Variants in ELP2 observed in about 807,000 individuals in gnomAD.
ELP2 encodes the protein elongator complex protein 2.
Under a neutral mutation model 119.2 loss-of-function variants are expected in ELP2, and 90 were observed. The ratio of observed to expected loss-of-function variants is 0.75; its 90% CI spans 0.64 to 0.90. The LOEUF is 0.90. ELP2 is among the 40% of genes least tolerant of loss of function. ELP2 has a pLI of 0.00. For synonymous variants in ELP2, 339 were observed against 331.0 expected, an observed-to-expected ratio of 1.02 and a Z score of -0.26; for missense variants, 921 against 967.8, an observed-to-expected ratio of 0.95 and a Z score of 0.64.
At chr18:36,160,209 TATG>T (rs1279505040) in intron 16 of ELP2, among the ~76,000 whole-genome samples, 194 bp downstream of exon 16, 1 of 152,208 alleles carries the variant, frequency 6.6e-6, no homozygotes, top group African/African-American at 2.4e-5. Flanking sequence ...TACTGTTTAT[TATG>T]TTCATTAGTT....
intron 20 of ELP2, among the ~76,000 whole-genome samples, chr18:36,170,612 C>T (rs2091051215): frequency 6.6e-6 from 1 of 152,048 alleles, no homozygotes; most frequent in Non-Finnish European, 1.5e-5. Flanking sequence ...CCGTGCCTGG[C>T]CTGAGTTACT....
intron 2 of ELP2, among the ~76,000 whole-genome samples, chr18:36,134,610 G>A (rs1046564849): frequency 7.9e-5 from 12 of 152,100 alleles, no homozygotes; most frequent in Non-Finnish European, 1.5e-4. Flanking sequence ...GTTAATATTG[G>A]TACATATGGT....
chr18:36,160,662 T>G (rs2090709648), intron 16 of ELP2, among the ~76,000 whole-genome samples: 1 of 152,178 alleles, frequency 6.6e-6, no homozygotes, highest in African/African-American at 2.4e-5. Flanking sequence ...TTTCCATGTT[T>G]TATTGTTTAG....
In ELP2 at chr18:36,139,780, A is replaced by AT. The variant is rs530042760; in HGVS notation, c.523+914dup. 215 of 424,658 alleles carry AT rather than the reference A, an allele frequency of 5.1e-4. 1 individual carries two copies. In the Middle Eastern group the frequency reaches 0.014, roughly 27 times the overall value. The allele number at this position is 424,658 out of a possible 1,614,324, so 26.3% of individuals were successfully genotyped here. A position where few individuals can be genotyped will look rare whatever the true frequency, so the allele number is the denominator to read the frequency against. ...CCTTTGGTAATGCAAATTATTAATG[A>AT]TTTTTTATCTTATTAAAATAATTTT... On this transcript the variant is annotated intron_variant, in intron 5 of 21. Transcript: ENST00000358232.
intron 19 of ELP2, chr18:36,169,857 C>G: frequency 3.2e-6 from 2 of 633,506 alleles, no homozygotes; most frequent in Non-Finnish European, 5.6e-6. Context: ...AAGGTGAGCT[C>G]TCGGAGACGC....
intron 11 of ELP2, among the ~76,000 whole-genome samples, chr18:36,147,092 T>G (rs1230524724): frequency 2.0e-5 from 3 of 151,054 alleles, no homozygotes; most frequent in Non-Finnish European, 4.4e-5. Flanking sequence ...TTTTTTTTTT[T>G]TTTTTTTTTT....
chr18:36,177,134 G>T lies in ELP2; in HGVS notation c.*2493G>T, dbSNP rs1001098663. 1 of 151,922 alleles carries T rather than the reference G, an allele frequency of 6.6e-6. No homozygotes were observed. Among genetic ancestry groups the T allele is most frequent in the Non-Finnish European group, 1.5e-5 (1 of 68,040 alleles). The allele number at this position is 151,922 out of a possible 1,614,324, so 9.4% of individuals were successfully genotyped here. A position where few individuals can be genotyped will look rare whatever the true frequency, so the allele number is the denominator to read the frequency against. ...AACTTATGAAATACATAAAAAATAT[G>T]ATGGGTGGAGTGACGGACACATGGA... On this transcript the variant is annotated 3_prime_UTR_variant, in exon 22 of 22. Coordinates refer to ENST00000358232, the MANE Select transcript of ELP2 (RefSeq NM_018255.4).
At chr18:36,131,713 A>G (rs1377246514) in intron 1 of ELP2, among the ~76,000 whole-genome samples, 1 of 152,298 alleles carries the variant, frequency 6.6e-6, no homozygotes, top group East Asian at 1.9e-4. Flanking sequence ...TTTTAAGATG[A>G]TTATACTCAT....
chr18:36,166,989 T>A, intron 18 of ELP2, 112 bp from the exon 19 acceptor site: 1 of 1,156,418 alleles, frequency 8.6e-7, no homozygotes, highest in South Asian at 2.1e-5. Context: ...AGTCAGTGCA[T>A]ATAAATTGAA....
intron 16 of ELP2, among the ~76,000 whole-genome samples, chr18:36,160,478 T>C (rs2090702341): frequency 6.6e-6 from 1 of 151,580 alleles, no homozygotes; most frequent in Non-Finnish European, 1.5e-5. Flanking sequence ...CTTGAGAGAC[T>C]GAGGCTGGAG....
intron 2 of ELP2, among the ~76,000 whole-genome samples, chr18:36,134,317 G>A (rs921592346): frequency 3.6e-4 from 55 of 152,154 alleles, no homozygotes; most frequent in African/African-American, 1.2e-3. Flanking sequence ...TGTCATGAAT[G>A]TACAGTGTTT....
At chr18:36,147,195 TC>T (rs1328531026) in intron 11 of ELP2, among the ~76,000 whole-genome samples, 2 of 151,532 alleles carry the variant, frequency 1.3e-5, no homozygotes, top group Non-Finnish European at 2.9e-5. Flanking sequence ...CGCTTCAACT[TC>T]CTGAGTAGCT....
chr18:36,142,973 A>T lies in ELP2; in HGVS notation c.796+7A>T. On this transcript the variant is annotated splice_region_variant and intron_variant, in intron 8 of 21. Transcript: ENST00000358232. ...TTTACCATAGAAAATGAAAGTGAGT[A>T]ATAATGAAAATATCCAATATAACGA... 1 of 1,566,662 alleles carries T rather than the reference A, an allele frequency of 6.4e-7. No individual in the cohort carries two copies. Among genetic ancestry groups the T allele is most frequent in the Non-Finnish European group, 8.8e-7 (1 of 1,142,234 alleles).
intron 11 of ELP2, among the ~76,000 whole-genome samples, chr18:36,152,117 T>C (rs946075250): frequency 4.6e-5 from 7 of 151,054 alleles, no homozygotes; most frequent in Non-Finnish European, 1.0e-4. Flanking sequence ...CACTTGGGCC[T>C]GGGAGGGAGG....
At chr18:36,141,094 G>A (rs2090007709) in intron 5 of ELP2, 43 bp from the exon 6 acceptor site, 1 of 1,493,076 alleles carries the variant, frequency 6.7e-7, no homozygotes, top group Non-Finnish European at 9.3e-7. Context: ...ATAACGTGGT[G>A]GAATAGAGAA....
At chr18:36,170,236 T>C in intron 20 of ELP2, 40 bp downstream of exon 20, 2 of 1,613,138 alleles carry the variant, frequency 1.2e-6, no homozygotes, top group Non-Finnish European at 1.7e-6. Flanking sequence ...GAGGACCACT[T>C]GGTTTCTTAA....
intron 3 of ELP2, chr18:36,138,006 G>C: frequency 2.4e-6 from 1 of 414,046 alleles, no homozygotes; most frequent in Non-Finnish European, 4.5e-6. Context: ...AATCCAAAAA[G>C]AGGAACATTC....
chr18:36,143,062 C>A, intron 8 of ELP2, 96 bp downstream of exon 8: 2 of 842,530 alleles, frequency 2.4e-6, no homozygotes, highest in South Asian at 1.7e-5. Flanking sequence ...GATAGTTTTT[C>A]ACAATTGTCA....
chr18:36,155,596 A>C (rs1323242388), intron 12 of ELP2, among the ~76,000 whole-genome samples: 2 of 151,940 alleles, frequency 1.3e-5, no homozygotes, highest in Non-Finnish European at 2.9e-5. Flanking sequence ...TAGAGACAGG[A>C]TCTTGCTATG....
Sources: gnomAD v4.1 joint callset for allele counts (sites outside exome capture counted in the v4.1 genomes callset) on GRCh38, gnomAD v4.1.1 for gene constraint, MANE v1.5 for transcripts, NCBI Gene and HGNC (gene_info 2026-07-23, HGNC 2026-07-21) for gene names.